Variants in FBXO21 observed in about 807,000 individuals in gnomAD.
The protein encoded by FBXO21 is F-box only protein 21.
FBXO21 carries 32 observed loss-of-function variants against 76.6 expected under a neutral mutation model. The observed-to-expected ratio is 0.42, with a 90% confidence interval of 0.32 to 0.56. The LOEUF (loss-of-function observed/expected upper bound fraction) is 0.56. Among genes scored for constraint, FBXO21 ranks in the 20% least tolerant of loss-of-function variants. FBXO21 has a pLI of 0.16. For synonymous variants in FBXO21, 328 were observed against 311.5 expected (o/e 1.05, Z -0.56); for missense variants, 586 against 797.3 (o/e 0.73, Z 3.19).
rs2135852518 is a variant in FBXO21, at chr12:117,155,772, A to G, written c.1675+19T>C. The G allele has an allele frequency of 6.2e-7, 1 of 1,606,548 alleles. No individual in the cohort carries two copies. On this transcript the variant is annotated intron_variant, in intron 11 of 11. Transcript: ENST00000622495. ...ACACGCCCGCGGGGCCACTGGCACA[A>G]GCGGAACCCGCCGCTTACCTTGGGC...
chr12:117,177,213 C>G (rs962024026), intron 4 of FBXO21, among the ~76,000 whole-genome samples: 6 of 152,222 alleles, frequency 3.9e-5, no homozygotes, highest in Non-Finnish European at 7.3e-5. Flanking sequence ...TGGAAATGAT[C>G]ATTAAAGCTC....
intron 9 of FBXO21, 76 bp from the exon 10 acceptor site, chr12:117,158,139 A>G: frequency 6.5e-7 from 1 of 1,543,354 alleles, no homozygotes; most frequent in Non-Finnish European, 8.9e-7. Flanking sequence ...AGGGATTTAG[A>G]CCTACCTACG....
chr12:117,156,581 G>A (rs146904194), intron 10 of FBXO21, among the ~76,000 whole-genome samples: 8 of 152,300 alleles, frequency 5.3e-5, no homozygotes, highest in African/African-American at 1.4e-4. Flanking sequence ...CAGGTGAAAT[G>A]GCATCTGGCA....
chr12:117,171,981 A>AC (rs1385250901), intron 7 of FBXO21, among the ~76,000 whole-genome samples: 4 of 152,028 alleles, frequency 2.6e-5, no homozygotes, highest in Admixed American at 2.6e-4. Flanking sequence ...GAACGTGGCC[A>AC]CCCTATTCAA....
chr12:117,171,040 A>G (rs561973959), intron 7 of FBXO21, among the ~76,000 whole-genome samples: 1 of 152,306 alleles, frequency 6.6e-6, no homozygotes, highest in South Asian at 2.1e-4. Context: ...AAGGCAACAC[A>G]CAGAAGTAAT....
chr12:117,157,753 G>A, intron 10 of FBXO21, 120 bp downstream of exon 10: 3 of 815,904 alleles, frequency 3.7e-6, no homozygotes, highest in Admixed American at 5.9e-5. Flanking sequence ...TGCGCACTCG[G>A]GGGATAAGTG....
In FBXO21 at chr12:117,186,589, A is replaced by G; in HGVS notation, c.376-18T>C. ...CAAGGAACCTATGAAGAAGACATAT[A>G]CAAGTAGGCCTCAATTATGAGTATT... is the stretch of plus-strand genomic sequence containing the variant. On this transcript the variant is annotated intron_variant, in intron 2 of 11. Transcript: ENST00000622495. 1 of 1,522,628 alleles carries G rather than the reference A, an allele frequency of 6.6e-7. No homozygotes were observed. The allele number at this position is 1,522,628 out of a possible 1,614,324, so 94.3% of individuals were successfully genotyped here. A position where few individuals can be genotyped will look rare whatever the true frequency, so the allele number is the denominator to read the frequency against.
rs116205896 is a variant in FBXO21, at chr12:117,148,615, C to T, written c.1676-2338G>A. ...CCAGACCCCACAGCGGTGTCACAGG[C>T]ACCCCTGCCACGTAACCCTGGAAGG... On this transcript the variant is annotated intron_variant, in intron 11 of 11. Coordinates refer to ENST00000622495, the MANE Select transcript of FBXO21 (RefSeq NM_015002.3). Among the ~76,000 whole-genome samples the T allele has an allele frequency of 1.0e-2, 1,522 of 152,372 alleles. 19 individuals carry two copies. The highest frequency in any genetic ancestry group is 0.035 in the African/African-American group (1,467 of 41,592).
At chr12:117,182,349 G>A (rs940882037) in intron 3 of FBXO21, among the ~76,000 whole-genome samples, 1 of 151,998 alleles carries the variant, frequency 6.6e-6, no homozygotes, top group African/African-American at 2.4e-5. Flanking sequence ...AATTAGCCAG[G>A]CATGATGGTA....
chr12:117,161,844 C>G (rs1318846749), intron 9 of FBXO21, among the ~76,000 whole-genome samples: 1 of 152,176 alleles, frequency 6.6e-6, no homozygotes, highest in African/African-American at 2.4e-5. Flanking sequence ...GCCTGAGAAC[C>G]AGAGACCACA....
Position 117,172,482 on chromosome 12 carries a change from T to C in FBXO21, c.1002A>G (p.Gln334=), listed in dbSNP as rs1956127415. ...TCACGGATGCTCACCCTTCTGCGCC[T>C]TGGCACCACCTTAATAAGAAGTGAC... ...FPSHFLLRWC[Q]GAEGATLDIF... Residue 334 remains glutamine (Q), a synonymous_variant, in exon 7 of 12, where the codon CAA becomes CAG. Transcript: ENST00000622495. 1 of 1,613,546 alleles carries C rather than the reference T, an allele frequency of 6.2e-7. No homozygotes were observed. Among genetic ancestry groups the C allele is most frequent in the Non-Finnish European group, 8.5e-7 (1 of 1,179,764 alleles).
rs1060233 is a variant in FBXO21, at chr12:117,144,812, G to T, written c.*1275C>A. On this transcript the variant is annotated 3_prime_UTR_variant, in exon 12 of 12. Coordinates refer to ENST00000622495, the MANE Select transcript of FBXO21 (RefSeq NM_015002.3). ...CTGGGCTCAGTTACTGAGAACTTCGGAAAGGAGCCAGTGCCGTCCGAACAC... is the reference window on the plus strand; with the variant it reads ...CTGGGCTCAGTTACTGAGAACTTCGTAAAGGAGCCAGTGCCGTCCGAACAC... 0.18 allele frequency: 27,165 copies of T among 152,130 alleles called. 3,133 individuals carry two copies. Among genetic ancestry groups the T allele is most frequent in the Admixed American group, 0.34 (5,138 of 15,270 alleles). The allele number at this position is 152,130 out of a possible 1,614,324, so 9.4% of individuals were successfully genotyped here. A position where few individuals can be genotyped will look rare whatever the true frequency, so the allele number is the denominator to read the frequency against.
chr12:117,178,370 T>A (rs1956194546), intron 3 of FBXO21, among the ~76,000 whole-genome samples: 1 of 152,054 alleles, frequency 6.6e-6, no homozygotes, highest in Non-Finnish European at 1.5e-5. Flanking sequence ...TGCAGCAACA[T>A]CCTCCTACCT....
At chr12:117,158,382 GC>G (rs1955941085) in intron 9 of FBXO21, among the ~76,000 whole-genome samples, 1 of 152,158 alleles carries the variant, frequency 6.6e-6, no homozygotes, top group African/African-American at 2.4e-5. Flanking sequence ...GCAGGTGAGG[GC>G]CCACCACCTA....
rs1483412809 is a variant in FBXO21, at chr12:117,189,102, G to C, written c.375+125C>G. The C allele has an allele frequency of 5.7e-6, 6 of 1,059,064 alleles. No individual in the cohort carries two copies. The African/African-American group carries it at 7.9e-5, about 14-fold the overall frequency. The allele number at this position is 1,059,064 out of a possible 1,614,324, so 65.6% of individuals were successfully genotyped here. ...CACAATGACTCTTGCAGCCATCTAA[G>C]TGAGTAAGGGATTGTGAGAGCATTG... On this transcript the variant is annotated intron_variant, in intron 2 of 11. Coordinates refer to ENST00000622495, the MANE Select transcript of FBXO21 (RefSeq NM_015002.3).
chr12:117,150,871 CTGTGTGTGTGTGTG>C (rs372253197), intron 11 of FBXO21, among the ~76,000 whole-genome samples: 2 of 127,630 alleles, frequency 1.6e-5, no homozygotes, highest in Admixed American at 8.3e-5. Context: ...TGGCCATGGA[CTGTGTGTGTGTGTG>C]TGTGTGTGTG....
rs529908707 is a variant in FBXO21 at position 117,189,001 on chromosome 12, C to T, written c.375+226G>A. 3.4e-5 allele frequency: 19 copies of T among 566,992 alleles called. No homozygotes were observed. The East Asian group carries it at 5.8e-4, about 17-fold the overall frequency. 35.1% of individuals were successfully genotyped at this position (566,992 alleles called of 1,614,324 possible). A position where few individuals can be genotyped will look rare whatever the true frequency, so the allele number is the denominator to read the frequency against. The stretch of plus-strand genomic sequence containing the variant: ...GGTCCCTCCCTGCTCCCTCCACCCC[C>T]ACTCTCTCTCTGGCTTTAGAAAAGT... On this transcript the variant is annotated intron_variant, in intron 2 of 11. Coordinates refer to ENST00000622495, the MANE Select transcript of FBXO21 (RefSeq NM_015002.3).
chr12:117,174,490 G>T (rs1260411338), intron 5 of FBXO21, 149 bp from the exon 6 acceptor site: 9 of 1,198,846 alleles, frequency 7.5e-6, no homozygotes, highest in Admixed American at 2.0e-5. Context: ...GTATGTATTT[G>T]AAGTGTTTTA....
chr12:117,172,411 CCT>C, intron 7 of FBXO21, 58 bp downstream of exon 7: 1 of 1,559,266 alleles, frequency 6.4e-7, no homozygotes, highest in Non-Finnish European at 8.7e-7. Flanking sequence ...AATCAGACTG[CCT>C]CTCAGCACAG....
Sources: gnomAD v4.1 joint callset for allele counts (sites outside exome capture counted in the v4.1 genomes callset) on GRCh38, gnomAD v4.1.1 for gene constraint, MANE v1.5 for transcripts, NCBI Gene and HGNC (gene_info 2026-07-23, HGNC 2026-07-21) for gene names.